IGF2BP3: variants seen among roughly 807,000 people sequenced by gnomAD.
IGF2BP3 encodes insulin-like growth factor 2 mRNA-binding protein 3.
Under a neutral mutation model 73.8 loss-of-function variants are expected in IGF2BP3, and 9 were observed. The observed-to-expected ratio is 0.12, with a 90% CI of 0.07 to 0.21. The LOEUF is 0.21. Among genes scored for constraint, IGF2BP3 ranks in the 10% least tolerant of loss-of-function variants. The pLI, the probability that IGF2BP3 is intolerant of heterozygous loss-of-function variation, is 1.00. For synonymous variants in IGF2BP3, 258 were observed against 256.7 expected (o/e 1.01, Z -0.05); for missense variants, 542 against 714.0 (o/e 0.76, Z 2.75).
chr7:23,383,685 T>G (rs774907726), intron 3 of IGF2BP3, among the ~76,000 whole-genome samples: 2 of 152,190 alleles, frequency 1.3e-5, no homozygotes, highest in Admixed American at 6.5e-5. Flanking sequence ...CGTACATTAA[T>G]GTACATAGAA....
intron 10 of IGF2BP3, among the ~76,000 whole-genome samples, chr7:23,338,909 T>C (rs1483494994): frequency 6.6e-6 from 1 of 152,260 alleles, no homozygotes; most frequent in Non-Finnish European, 1.5e-5. Context: ...TATTCAGTTA[T>C]AAAGTTGAGA....
chr7:23,449,501 C>T lies in IGF2BP3; in HGVS notation c.236+18981G>A, dbSNP rs142324779. On this transcript the variant is annotated intron_variant, in intron 2 of 14. Transcript: ENST00000258729. ...CACTGCACTCCAGCCTGGGACACAG[C>T]GAGACTCCGTCTAAAAAAATACCTG... 5.9e-3 allele frequency among the ~76,000 whole-genome samples: 884 copies of T among 150,440 alleles called. 14 individuals carry two copies. The highest frequency in any genetic ancestry group is 0.019 in the African/African-American group (780 of 41,046).
intron 3 of IGF2BP3, among the ~76,000 whole-genome samples, chr7:23,377,936 G>C (rs562356317): frequency 3.3e-5 from 5 of 152,166 alleles, no homozygotes; most frequent in Non-Finnish European, 7.3e-5. Flanking sequence ...GGTTTCTAGG[G>C]CCTGGGAGGA....
At chr7:23,324,796 T>G (rs1784249377) in intron 10 of IGF2BP3, among the ~76,000 whole-genome samples, 1 of 122,846 alleles carries the variant, frequency 8.1e-6, no homozygotes, top group Non-Finnish European at 1.6e-5. Context: ...TAATCCAGCA[T>G]ATAAACAGAA....
chr7:23,409,198 C>A lies in IGF2BP3; in HGVS notation c.285+9578G>T, dbSNP rs150336730. On this transcript the variant is annotated intron_variant, in intron 3 of 14. Transcript: ENST00000258729. ...TCCTGTGGTACAGCCCAGTTCCTAA[C>A]AGGCCACAGATGGTACCAGTCTGAG... Among the ~76,000 whole-genome samples, 1,295 of 152,340 alleles carry A rather than the reference C, an allele frequency of 8.5e-3. 5 individuals carry two copies. Among genetic ancestry groups the A allele is most frequent in the Non-Finnish European group, 0.015 (988 of 68,024 alleles).
chr7:23,391,018 T>C (rs182243113), intron 3 of IGF2BP3, among the ~76,000 whole-genome samples: 2 of 151,780 alleles, frequency 1.3e-5, no homozygotes, highest in Admixed American at 1.3e-4. Flanking sequence ...AGGGTAGTCT[T>C]GAACCCTTGG....
In IGF2BP3 at chr7:23,353,961, T is replaced by C. The variant is rs543345584; in HGVS notation, c.402-2375A>G. Among the ~76,000 whole-genome samples, 9 of 152,332 alleles carry C rather than the reference T, an allele frequency of 5.9e-5. No individual in the cohort carries two copies. In the East Asian group the frequency reaches 1.7e-3, roughly 29 times the overall value. The stretch of plus-strand genomic sequence containing the variant: ...ATAAAAAGTTGGAGATGCAGAAGAG[T>C]CAACCAACTACAGATTCTTTCAAAA... On this transcript the variant is annotated intron_variant, in intron 5 of 14. Transcript: ENST00000258729.
chr7:23,406,046 C>G (rs1244492819), intron 3 of IGF2BP3, among the ~76,000 whole-genome samples: 2 of 149,456 alleles, frequency 1.3e-5, no homozygotes, highest in East Asian at 1.9e-4. Flanking sequence ...GAAATAAAAG[C>G]CATGATCAAA....
chr7:23,368,757 C>T (rs571260735), intron 3 of IGF2BP3, among the ~76,000 whole-genome samples: 4 of 152,002 alleles, frequency 2.6e-5, no homozygotes, highest in Admixed American at 6.6e-5. Flanking sequence ...ATTAGCCGGG[C>T]GTGGTCGCGC....
intron 5 of IGF2BP3, among the ~76,000 whole-genome samples, chr7:23,360,661 T>A (rs1039759955): frequency 6.6e-6 from 1 of 152,240 alleles, no homozygotes; most frequent in Non-Finnish European, 1.5e-5. Flanking sequence ...TATAGTAACC[T>A]AGCTGAGCTC....
At chr7:23,320,041 G>A (rs1444494011) in intron 10 of IGF2BP3, among the ~76,000 whole-genome samples, 1 of 151,706 alleles carries the variant, frequency 6.6e-6, no homozygotes, top group Non-Finnish European at 1.5e-5. Flanking sequence ...TTCCCAAGGA[G>A]CTGAGATTAC....
chr7:23,322,198 A>G (rs1784175493), intron 10 of IGF2BP3, among the ~76,000 whole-genome samples: 1 of 152,230 alleles, frequency 6.6e-6, no homozygotes, highest in Non-Finnish European at 1.5e-5. Context: ...ATGTATAACT[A>G]GAATAACCAA....
chr7:23,431,881 A>G (rs1461608663), intron 2 of IGF2BP3, among the ~76,000 whole-genome samples: 2 of 152,196 alleles, frequency 1.3e-5, no homozygotes, highest in Admixed American at 1.3e-4. Flanking sequence ...ACTGTGGTAT[A>G]GTTAACAGGG....
intron 2 of IGF2BP3, among the ~76,000 whole-genome samples, chr7:23,445,049 C>A (rs904969012): frequency 6.6e-6 from 1 of 152,136 alleles, no homozygotes; most frequent in Non-Finnish European, 1.5e-5. Flanking sequence ...CAGAGTGAGA[C>A]CCTGTCTCTA....
At chr7:23,351,664 T>C in intron 5 of IGF2BP3, 78 bp from the exon 6 acceptor site, 1 of 1,472,474 alleles carries the variant, frequency 6.8e-7, no homozygotes, top group Non-Finnish European at 9.3e-7. Flanking sequence ...AACACCCATC[T>C]CTTCTACTCA....
chr7:23,384,706 C>T (rs564120721), intron 3 of IGF2BP3, among the ~76,000 whole-genome samples: 18 of 152,200 alleles, frequency 1.2e-4, no homozygotes, highest in African/African-American at 4.3e-4. Context: ...GCCTGGGCAA[C>T]ATGGCAAAAC....
At chr7:23,374,365 T>C (rs772144960) in intron 3 of IGF2BP3, among the ~76,000 whole-genome samples, 58 of 152,228 alleles carry the variant, frequency 3.8e-4, no homozygotes, top group Non-Finnish European at 5.1e-4. Context: ...GTCCCTTATA[T>C]AAAAATAGTA....
At chr7:23,400,810 A>G (rs1292283953) in intron 3 of IGF2BP3, among the ~76,000 whole-genome samples, 3 of 152,048 alleles carry the variant, frequency 2.0e-5, no homozygotes, top group East Asian at 3.9e-4. Context: ...TCAAAACCCT[A>G]TTTTTCTGAG....
intron 3 of IGF2BP3, among the ~76,000 whole-genome samples, chr7:23,373,302 A>T (rs1164663152): frequency 2.0e-5 from 3 of 152,198 alleles, no homozygotes; most frequent in Non-Finnish European, 4.4e-5. Flanking sequence ...TTTTTGAACC[A>T]CCTGCTTTCA....
Sources: gnomAD v4.1 joint callset for allele counts (sites outside exome capture counted in the v4.1 genomes callset) on GRCh38, gnomAD v4.1.1 for gene constraint, MANE v1.5 for transcripts, NCBI Gene and HGNC (gene_info 2026-07-23, HGNC 2026-07-21) for gene names.